Variants in HK1 observed in about 807,000 individuals in gnomAD.
HK1 encodes hexokinase 1.
HK1 carries 28 observed loss-of-function variants against 91.6 expected under a neutral mutation model. The ratio of observed to expected loss-of-function variants is 0.31; its 90% CI spans 0.23 to 0.42. The LOEUF (loss-of-function observed/expected upper bound fraction) is 0.42. HK1 is among the 10% of genes least tolerant of loss of function. The probability of loss-of-function intolerance (pLI) is 1.00; values close to 1 mark genes in which losing one functional copy is unlikely to be tolerated. For synonymous variants in HK1, 430 were observed against 468.1 expected (o/e 0.92, Z 1.05); for missense variants, 770 against 1,219.8 (o/e 0.63, Z 5.49).
intron 1 of HK1, among the ~76,000 whole-genome samples, chr10:69,320,469 C>T (rs571624574): frequency 1.4e-3 from 217 of 152,286 alleles, no homozygotes; most frequent in African/African-American, 4.8e-3. Flanking sequence ...CACCCTGGAG[C>T]TTCCCTCTGG....
intron 1 of HK1, among the ~76,000 whole-genome samples, chr10:69,341,782 TTGG>T (rs1470097489): frequency 2.0e-5 from 3 of 152,126 alleles, no homozygotes; most frequent in African/African-American, 7.2e-5. Flanking sequence ...ATTCTGGCTC[TTGG>T]TGGTTCCTGA....
chr10:69,397,426 T>G (rs2132966837), intron 16 of HK1, among the ~76,000 whole-genome samples: 1 of 152,028 alleles, frequency 6.6e-6, no homozygotes, highest in Admixed American at 6.6e-5. Context: ...CAAATATAGC[T>G]ACATAGTGTC....
intron 7 of HK1, among the ~76,000 whole-genome samples, chr10:69,371,995 A>G (rs554092401): frequency 6.6e-6 from 1 of 152,350 alleles, no homozygotes; most frequent in Non-Finnish European, 1.5e-5. Context: ...GGCAATTTAC[A>G]AAAGAAAGAG....
upstream of HK1, among the ~76,000 whole-genome samples, chr10:69,316,755 T>G (rs1001061080): frequency 6.6e-6 from 1 of 152,234 alleles, no homozygotes; most frequent in Non-Finnish European, 1.5e-5. Context: ...ATGTTTTTGA[T>G]TATGCATTAG....
chr10:69,338,676 T>C (rs2132660068), intron 1 of HK1: 1 of 1,178,506 alleles, frequency 8.5e-7, no homozygotes. Context: ...ATTATGGAGA[T>C]GTGAGTGTGT....
rs746394200 is a variant in HK1 at position 69,369,669 on chromosome 10, G to T, written c.875+45G>T. 3 of 1,536,364 alleles carry T rather than the reference G, an allele frequency of 2.0e-6. No individual in the cohort carries two copies. The highest frequency in any genetic ancestry group is 3.6e-5 in the Admixed American group (2 of 56,216). On this transcript the variant is annotated intron_variant, in intron 7 of 17. Transcript: ENST00000359426. The surrounding 1 kb of genome is among the most constrained non-coding windows in gnomAD (Gnocchi z 4.4). ...TTCTAACCACATATGTGAGTTAGGG[G>T]ACATTTGATGAAAGATTTGGGATGG...
chr10:69,274,369 A>G (rs1253495276), intron 1 of HK1, among the ~76,000 whole-genome samples: 1 of 152,106 alleles, frequency 6.6e-6, no homozygotes, highest in African/African-American at 2.4e-5. Flanking sequence ...AGGCCAAAGC[A>G]GGTAGATCAC....
intron 2 of HK1, among the ~76,000 whole-genome samples, chr10:69,287,255 G>A (rs1564753896): frequency 6.6e-6 from 1 of 152,180 alleles, no homozygotes; most frequent in Non-Finnish European, 1.5e-5. Flanking sequence ...TCATACGGCT[G>A]CAGGAAGGAG....
chr10:69,303,632 C>T (rs1283764323), intron 5 of HK1, among the ~76,000 whole-genome samples: 1 of 152,010 alleles, frequency 6.6e-6, no homozygotes, highest in Non-Finnish European at 1.5e-5. Context: ...CAGAGGGAGG[C>T]TACCGAACCA....
At chr10:69,299,992 G>T in intron 4 of HK1, among the ~76,000 whole-genome samples, 1 of 150,476 alleles carries the variant, frequency 6.6e-6, no homozygotes, top group Non-Finnish European at 1.5e-5. Context: ...TAGAGACAGG[G>T]TCTTGCCATG....
Position 69,369,432 on chromosome 10 carries a change from C to T in HK1, c.692-9C>T, listed in dbSNP as rs2132816339. The T allele has an allele frequency of 6.2e-7, 1 of 1,614,210 alleles. No homozygotes were observed. The highest frequency in any genetic ancestry group is 8.5e-7 in the Non-Finnish European group (1 of 1,180,028). ...GTGTGGTCATAGCTTCTGATCTTGTCCTGCCCAGGCACTGGCACCAATGCT... is the reference window on the plus strand; with the variant it reads ...GTGTGGTCATAGCTTCTGATCTTGTTCTGCCCAGGCACTGGCACCAATGCT... On this transcript the variant is annotated splice_polypyrimidine_tract_variant and intron_variant, in intron 6 of 17. Transcript: ENST00000359426. This position sits in a 1 kb window ranked among gnomAD's most constrained non-coding sequence, Gnocchi z 4.4.
chr10:69,309,250 C>T (rs184935998), intron 5 of HK1, among the ~76,000 whole-genome samples: 4,498 of 149,870 alleles, frequency 0.03, 110 homozygotes, highest in South Asian at 0.053. Context: ...GGCATGATCT[C>T]GGCTCACTGC....
intron 2 of HK1, among the ~76,000 whole-genome samples, chr10:69,350,036 C>T (rs916102559): frequency 3.9e-5 from 6 of 152,144 alleles, no homozygotes; most frequent in African/African-American, 9.7e-5. Context: ...GTGGCAGGGA[C>T]GGCCCCTGCA....
intron 2 of HK1, among the ~76,000 whole-genome samples, chr10:69,357,873 G>A (rs890017174): frequency 3.3e-5 from 5 of 152,118 alleles, no homozygotes; most frequent in African/African-American, 1.2e-4. Flanking sequence ...TAGTTAAAGG[G>A]TATAGGGTTT....
rs765774515 is a variant in HK1 at position 69,380,112 on chromosome 10, CTA to C, written c.1265+19_1265+20del. 6.3e-7 allele frequency: 1 copy of C among 1,584,384 alleles called. No individual in the cohort carries two copies. Among genetic ancestry groups the C allele is most frequent in the Non-Finnish European group, 8.7e-7 (1 of 1,152,870 alleles). On this transcript the variant is annotated intron_variant, in intron 9 of 17. Transcript: ENST00000359426. The surrounding 1 kb of genome is among the most constrained non-coding windows in gnomAD (Gnocchi z 4.0). ...GCACCCACAGTGAGTCTGCCCTTTGCTATCATTGGCACTCTGTACCCATTGTG... is the reference window on the plus strand; with the variant it reads ...GCACCCACAGTGAGTCTGCCCTTTGCTCATTGGCACTCTGTACCCATTGTG...
chr10:69,348,632 G>A (rs1185815573), intron 2 of HK1, among the ~76,000 whole-genome samples: 6 of 152,194 alleles, frequency 3.9e-5, no homozygotes, highest in African/African-American at 9.7e-5. Context: ...CCAATATGGC[G>A]AAACCCCGTC....
At chr10:69,343,700 C>T (rs907561788) in intron 1 of HK1, 127 bp from the exon 2 acceptor site, 60 of 783,090 alleles carry the variant, frequency 7.7e-5, no homozygotes, top group African/African-American at 4.6e-4. Context: ...AATGACCTTC[C>T]GCCATGCGAT....
At chr10:69,280,256 T>G (rs1008238767) in intron 1 of HK1, among the ~76,000 whole-genome samples, 1 of 152,072 alleles carries the variant, frequency 6.6e-6, no homozygotes, top group Non-Finnish European at 1.5e-5. Context: ...GGACTACAGG[T>G]GCCTGCTACC....
intron 4 of HK1, among the ~76,000 whole-genome samples, chr10:69,299,956 G>A (rs989033196): frequency 6.6e-6 from 1 of 151,246 alleles, no homozygotes; most frequent in African/African-American, 2.5e-5. Context: ...CACCGTACCC[G>A]GCCTATTTTT....
Sources: gnomAD v4.1 joint callset for allele counts (sites outside exome capture counted in the v4.1 genomes callset) on GRCh38, gnomAD v4.1.1 for gene constraint, Gnocchi (gnomAD v3.1) non-coding constraint, MANE v1.5 for transcripts, NCBI Gene and HGNC (gene_info 2026-07-23, HGNC 2026-07-21) for gene names.